Variants in OPCML observed in about 807,000 individuals in gnomAD.
The protein encoded by OPCML is opioid-binding protein/cell adhesion molecule.
A neutral mutation model predicts 37.8 loss-of-function variants in OPCML; 13 were observed. That is an observed-to-expected ratio of 0.34 (90% CI 0.22 to 0.55). The LOEUF (loss-of-function observed/expected upper bound fraction) is 0.55. Among genes scored for constraint, OPCML ranks in the 20% least tolerant of loss-of-function variants. The pLI is 0.91. For synonymous variants in OPCML, 176 were observed against 168.8 expected (o/e 1.04, Z -0.33); for missense variants, 341 against 435.6 (o/e 0.78, Z 1.93).
At chr11:133,338,649 A>T (rs1943795195) in intron 1 of OPCML, among the ~76,000 whole-genome samples, 1 of 152,216 alleles carries the variant, frequency 6.6e-6, no homozygotes, top group South Asian at 2.1e-4. Context: ...GGGCGGGTTG[A>T]AATGATGGAG....
chr11:132,753,814 T>G (rs1469408103), intron 2 of OPCML, among the ~76,000 whole-genome samples: 3 of 152,190 alleles, frequency 2.0e-5, no homozygotes, highest in Non-Finnish European at 4.4e-5. Flanking sequence ...TGAGCCAAAA[T>G]ATATTACAGG....
At chr11:133,025,307 T>C (rs1425237565) in intron 1 of OPCML, 3 of 984,264 alleles carry the variant, frequency 3.0e-6, no homozygotes, top group Non-Finnish European at 3.6e-6. Flanking sequence ...CCATTTTTAA[T>C]GTTGACATTT....
At chr11:132,923,788 A>T (rs2136597928) in intron 2 of OPCML, among the ~76,000 whole-genome samples, 1 of 120,206 alleles carries the variant, frequency 8.3e-6, no homozygotes, top group Non-Finnish European at 1.7e-5. Context: ...TTTGAGACAG[A>T]GTCTCACTCT....
At chr11:132,762,160 G>T (rs58776312) in intron 2 of OPCML, among the ~76,000 whole-genome samples, 3,071 of 152,314 alleles carry the variant, frequency 0.02, 83 homozygotes, top group African/African-American at 0.067. Flanking sequence ...AGCGAAGATT[G>T]CTGCCTGCTC....
rs746902700 is a variant in OPCML at position 132,420,203 on chromosome 11, A to G, written c.1007T>C (p.Ile336Thr). The change falls in exon 8 of 8, where the codon ATC becomes ACC. Residue 336 changes from isoleucine to threonine, a missense_variant. Physicochemically the swap from Ile to Thr is moderately conservative, Grantham distance 89 (BLOSUM62 -1). Transcript: ENST00000524381. The part of the protein sequence containing the change: ...LSGTLLAHFF[I>T]KF ...ACCTAGGATTTCTTATCAAAACTTG[A>G]TGAAGAAGTGGGCTAAGAGGGTCCC... The G allele has an allele frequency of 1.2e-6, 2 of 1,613,876 alleles. No homozygotes were observed. The highest frequency in any genetic ancestry group is 2.2e-5 in the South Asian group (2 of 91,068).
chr11:132,512,252 A>G (rs1357935338), intron 4 of OPCML, among the ~76,000 whole-genome samples: 1 of 152,102 alleles, frequency 6.6e-6, no homozygotes, highest in Non-Finnish European at 1.5e-5. Flanking sequence ...TATAGTGCTT[A>G]TAGGAATACA....
chr11:133,062,322 T>C (rs1565426129), intron 1 of OPCML, among the ~76,000 whole-genome samples: 1 of 152,188 alleles, frequency 6.6e-6, no homozygotes, highest in Non-Finnish European at 1.5e-5. Flanking sequence ...TGCACTTCCT[T>C]ATCTTAAATC....
At chr11:133,229,866 C>T (rs987054041) in intron 1 of OPCML, among the ~76,000 whole-genome samples, 10 of 152,120 alleles carry the variant, frequency 6.6e-5, no homozygotes, top group East Asian at 3.9e-4. Context: ...GCAGTTAGTG[C>T]GTATTTCCCT....
intron 4 of OPCML, among the ~76,000 whole-genome samples, chr11:132,466,340 C>G (rs1017550946): frequency 3.2e-4 from 47 of 149,196 alleles, no homozygotes; most frequent in African/African-American, 1.1e-3. Flanking sequence ...AAAAAATAGC[C>G]AGGTGTGGTG....
intron 1 of OPCML, among the ~76,000 whole-genome samples, chr11:133,220,519 G>C (rs971292743): frequency 2.0e-5 from 3 of 152,146 alleles, no homozygotes; most frequent in African/African-American, 7.2e-5. Context: ...GAGGTCAGAG[G>C]AGGAGAGGTC....
chr11:133,253,010 G>T (rs1941189499), intron 1 of OPCML, among the ~76,000 whole-genome samples: 1 of 152,040 alleles, frequency 6.6e-6, no homozygotes, highest in Non-Finnish European at 1.5e-5. Context: ...GCTGGGCGTG[G>T]TGGTGGGCAC....
intron 4 of OPCML, among the ~76,000 whole-genome samples, chr11:132,446,029 C>T (rs569816775): frequency 4.1e-5 from 6 of 147,028 alleles, no homozygotes; most frequent in South Asian, 2.2e-4. Context: ...GATAGTCAAA[C>T]GAAGAGCATG....
chr11:133,373,381 G>A (rs1272291147), intron 1 of OPCML, among the ~76,000 whole-genome samples: 6 of 146,214 alleles, frequency 4.1e-5, no homozygotes, highest in African/African-American at 7.5e-5. Context: ...TGGGCAATGC[G>A]GTGAAACCCT....
chr11:132,624,871 A>T (rs1939645504), intron 3 of OPCML, among the ~76,000 whole-genome samples: 1 of 152,168 alleles, frequency 6.6e-6, no homozygotes, highest in African/African-American at 2.4e-5. Context: ...AGATTTAGCA[A>T]GCACAGCAAC....
chr11:133,014,625 T>G (rs972253807), intron 1 of OPCML, among the ~76,000 whole-genome samples: 7 of 152,210 alleles, frequency 4.6e-5, no homozygotes, highest in Non-Finnish European at 1.0e-4. Context: ...GGTGATGCAT[T>G]CAATGTCCTC....
intron 1 of OPCML, among the ~76,000 whole-genome samples, chr11:133,145,265 G>T (rs1949881673): frequency 6.6e-6 from 1 of 152,158 alleles, no homozygotes; most frequent in African/African-American, 2.4e-5. Flanking sequence ...TATCAAGGTG[G>T]AGGAGAGTGG....
intron 4 of OPCML, among the ~76,000 whole-genome samples, chr11:132,503,299 T>G (rs1183482312): frequency 6.6e-6 from 1 of 152,188 alleles, no homozygotes; most frequent in South Asian, 2.1e-4. Context: ...GGTGCCATTA[T>G]TAGTACCTAG....
At chr11:133,022,716 G>A (rs979420025) in intron 1 of OPCML, among the ~76,000 whole-genome samples, 2 of 152,114 alleles carry the variant, frequency 1.3e-5, no homozygotes, top group Non-Finnish European at 2.9e-5. Context: ...ACGCACCATG[G>A]AAAAATATCA....
chr11:133,051,267 C>G (rs1948126357), intron 1 of OPCML, among the ~76,000 whole-genome samples: 1 of 152,200 alleles, frequency 6.6e-6, no homozygotes, highest in Non-Finnish European at 1.5e-5. Flanking sequence ...CAACGGGTGT[C>G]TAGCGTCTGT....
Sources: allele counts gnomAD v4.1 joint callset (sites outside exome capture counted in the v4.1 genomes callset), GRCh38; gene constraint gnomAD v4.1.1; transcripts MANE v1.5; gene names NCBI Gene and HGNC (gene_info 2026-07-23, HGNC 2026-07-21).